The following ZEB1 variants were observed in gnomAD, a reference collection of about 807,000 sequenced individuals.
ZEB1 encodes zinc finger E-box-binding homeobox 1.
A neutral mutation model predicts 84.9 loss-of-function variants in ZEB1; 21 were observed. The observed-to-expected ratio is 0.25, with a 90% confidence interval of 0.18 to 0.36. The LOEUF (loss-of-function observed/expected upper bound fraction) is 0.36. Among genes scored for constraint, ZEB1 ranks in the 10% least tolerant of loss-of-function variants. ZEB1 has a pLI of 1.00. For synonymous variants in ZEB1, 420 were observed against 471.1 expected, an observed-to-expected ratio of 0.89 and a Z score of 1.41; for missense variants, 1,104 against 1,330.2, an observed-to-expected ratio of 0.83 and a Z score of 2.65.
intron 2 of ZEB1, among the ~76,000 whole-genome samples, chr10:31,488,389 T>A (rs918879891): frequency 6.6e-6 from 1 of 151,268 alleles, no homozygotes; most frequent in African/African-American, 2.4e-5. Flanking sequence ...TAATATCTGC[T>A]GGTTCTACAG....
At position 31,327,099 on chromosome 10, in the gene ZEB1, CTTTTTTTTTTTTTTT is replaced by C. The variant is rs71527629; in HGVS notation, c.58+7815_58+7829del. 3.1e-4 allele frequency among the ~76,000 whole-genome samples: 26 copies of C among 84,964 alleles called. 1 individual carries two copies. The highest frequency in any genetic ancestry group is 1.4e-3 in the Admixed American group (11 of 8,046). 55.7% of individuals were successfully genotyped at this position (84,964 alleles called of 152,430 possible). Reference sequence around the variant, plus strand: ...ATTTACTTTCTTTTTCTTTTCTTTTCTTTTTTTTTTTTTTTTTTTTTTGAGACAGTTTGACAGTTT... The same window carrying C: ...ATTTACTTTCTTTTTCTTTTCTTTTCTTTTTTTGAGACAGTTTGACAGTTT... On this transcript the variant is annotated intron_variant, in intron 1 of 8. Transcript: ENST00000424869.
intron 1 of ZEB1, among the ~76,000 whole-genome samples, chr10:31,413,984 G>A (rs575672580): frequency 2.6e-5 from 4 of 152,180 alleles, no homozygotes; most frequent in East Asian, 1.9e-4. Flanking sequence ...TGCAAAGACC[G>A]CCCCTTCCAA....
At chr10:31,479,141 T>C (rs962588931) in intron 2 of ZEB1, among the ~76,000 whole-genome samples, 5 of 151,800 alleles carry the variant, frequency 3.3e-5, no homozygotes, top group African/African-American at 1.2e-4. Flanking sequence ...TGGATAATCC[T>C]GAAGAAATGG....
chr10:31,467,269 C>G (rs1436877237), intron 2 of ZEB1, among the ~76,000 whole-genome samples: 1 of 152,084 alleles, frequency 6.6e-6, no homozygotes, highest in South Asian at 2.1e-4. Context: ...CTACTTGAAG[C>G]CACAAGGAGC....
Position 31,529,651 on chromosome 10 carries a change from A to G in ZEB1, c.*2387A>G, listed in dbSNP as rs978054726. On this transcript the variant is annotated 3_prime_UTR_variant, in exon 9 of 9. Transcript: ENST00000424869. ...CAACAGATATTTGTTGAATAAAAAT[A>G]TAATTTGCATGTTTATGGAGCTCAG... 2.0e-5 allele frequency: 3 copies of G among 152,246 alleles called. No homozygotes were observed. The highest frequency in any genetic ancestry group is 6.5e-5 in the Admixed American group (1 of 15,278). The allele number at this position is 152,246 out of a possible 1,614,324, so 9.4% of individuals were successfully genotyped here.
intron 1 of ZEB1, among the ~76,000 whole-genome samples, chr10:31,383,649 T>C (rs1344873723): frequency 6.6e-6 from 1 of 152,202 alleles, no homozygotes; most frequent in East Asian, 1.9e-4. Context: ...CAATTTAAAC[T>C]TACATCTGTT....
chr10:31,525,255 C>T (rs1054894839), intron 8 of ZEB1, among the ~76,000 whole-genome samples: 3 of 152,186 alleles, frequency 2.0e-5, no homozygotes, highest in Non-Finnish European at 4.4e-5. Context: ...CCTGCAAAGC[C>T]TTTAATACTC....
intron 6 of ZEB1, among the ~76,000 whole-genome samples, chr10:31,518,016 G>T (rs1332829653): frequency 6.6e-6 from 1 of 152,068 alleles, no homozygotes; most frequent in Admixed American, 6.6e-5. Context: ...TACCATTTCT[G>T]TCCCCCTGTT....
chr10:31,457,684 G>T (rs535961439), intron 1 of ZEB1, among the ~76,000 whole-genome samples: 1 of 152,218 alleles, frequency 6.6e-6, no homozygotes, highest in East Asian at 1.9e-4. Context: ...CCCAGAAAGT[G>T]ATAGGCAGTC....
chr10:31,351,480 T>C (rs920334277), intron 1 of ZEB1, among the ~76,000 whole-genome samples: 1 of 152,202 alleles, frequency 6.6e-6, no homozygotes, highest in Non-Finnish European at 1.5e-5. Context: ...CTAAGAATTA[T>C]GAAGACTGTA....
intron 1 of ZEB1, among the ~76,000 whole-genome samples, chr10:31,369,571 C>G (rs2045306595): frequency 6.6e-6 from 1 of 152,168 alleles, no homozygotes. Flanking sequence ...ATTCCATTGT[C>G]TGTATATACC....
At chr10:31,407,545 G>A (rs539342625) in intron 1 of ZEB1, among the ~76,000 whole-genome samples, 2,468 of 151,786 alleles carry the variant, frequency 0.016, 70 homozygotes, top group African/African-American at 0.054. Context: ...GAATAATGCC[G>A]CAATAAACAT....
intron 1 of ZEB1, among the ~76,000 whole-genome samples, chr10:31,419,312 C>T (rs373882023): frequency 1.2e-3 from 189 of 152,076 alleles, no homozygotes; most frequent in African/African-American, 4.2e-3. Flanking sequence ...GCAGTAAAGC[C>T]GGAGAGGGAG....
intron 8 of ZEB1, 71 bp downstream of exon 8, chr10:31,524,184 A>C (rs2072941245): frequency 2.0e-6 from 3 of 1,487,286 alleles, no homozygotes; most frequent in African/African-American, 1.4e-5. Context: ...TAAAAACTAA[A>C]GTTTTAGAAT....
At chr10:31,340,744 T>C (rs1487437476) in intron 1 of ZEB1, among the ~76,000 whole-genome samples, 1 of 152,046 alleles carries the variant, frequency 6.6e-6, no homozygotes, top group East Asian at 1.9e-4. Context: ...ATGGAAAGAA[T>C]GGCCAGAGAA....
chr10:31,453,984 G>A (rs2060898846), intron 1 of ZEB1, among the ~76,000 whole-genome samples: 1 of 152,146 alleles, frequency 6.6e-6, no homozygotes, highest in African/African-American at 2.4e-5. Flanking sequence ...CAGTATCCCT[G>A]ATGAACATCG....
intron 1 of ZEB1, among the ~76,000 whole-genome samples, chr10:31,403,479 T>C (rs906635434): frequency 2.6e-5 from 4 of 152,010 alleles, no homozygotes; most frequent in Non-Finnish European, 5.9e-5. Context: ...TTAAAACATC[T>C]GACAAAACTA....
chr10:31,455,821 A>C (rs1235382454), intron 1 of ZEB1, among the ~76,000 whole-genome samples: 1 of 152,214 alleles, frequency 6.6e-6, no homozygotes, highest in East Asian at 1.9e-4. Context: ...TGTGTAAATT[A>C]GTTCAACCAT....
intron 1 of ZEB1, among the ~76,000 whole-genome samples, chr10:31,350,735 T>A (rs1401187251): frequency 6.6e-6 from 1 of 152,204 alleles, no homozygotes; most frequent in Non-Finnish European, 1.5e-5. Context: ...GGGGTTTTTT[T>A]TGGGTCTGTT....
Sources: allele counts gnomAD v4.1 joint callset (sites outside exome capture counted in the v4.1 genomes callset), GRCh38; gene constraint gnomAD v4.1.1; transcripts MANE v1.5; gene names NCBI Gene and HGNC (gene_info 2026-07-23, HGNC 2026-07-21).